DMD: variants seen among roughly 807,000 people sequenced by gnomAD.
DMD encodes the protein mutant dystrophin.
A neutral mutation model predicts 330.1 loss-of-function variants in DMD; 63 were observed. The observed-to-expected ratio is 0.19, with a 90% CI of 0.16 to 0.24. The LOEUF (loss-of-function observed/expected upper bound fraction) is 0.24, where lower values mean the gene tolerates loss of function less well. Among genes scored for constraint, DMD ranks in the 10% least tolerant of loss-of-function variants. The pLI, the probability that DMD is intolerant of heterozygous loss-of-function variation, is 1.00. For synonymous variants in DMD, 1,223 were observed against 959.8 expected, an observed-to-expected ratio of 1.27 and a Z score of -5.07; for missense variants, 3,344 against 2,684.1, an observed-to-expected ratio of 1.25 and a Z score of -5.43.
intron 33 of DMD, among the ~76,000 whole-genome samples, chrX:32,383,556 T>C (rs1327650864): frequency 9.0e-6 from 1 of 111,236 alleles, no homozygotes; most frequent in African/African-American, 3.2e-5. Context: ...TATTTATACA[T>C]GATCCCTTAG....
At chrX:33,314,472 G>A (rs2053897677) in intron 1 of DMD, among the ~76,000 whole-genome samples, 1 of 107,932 alleles carries the variant, frequency 9.3e-6, no homozygotes, top group Non-Finnish European at 1.9e-5. Context: ...TGGCCAGGCA[G>A]GTCTCAAACT....
chrX:31,890,899 TA>T (rs756476521), intron 47 of DMD, among the ~76,000 whole-genome samples: 6 of 111,697 alleles, frequency 5.4e-5, no homozygotes, highest in South Asian at 3.7e-4. Flanking sequence ...CATATAAATA[TA>T]AAAAAAATTT....
chrX:31,842,485 TCA>T (rs979651502), intron 48 of DMD, among the ~76,000 whole-genome samples: 26 of 111,826 alleles, frequency 2.3e-4, no homozygotes, highest in Non-Finnish European at 4.5e-4. Context: ...TCAAATAACA[TCA>T]CACACTACAT....
chrX:32,995,839 A>G (rs1238009509), intron 2 of DMD, among the ~76,000 whole-genome samples: 1 of 111,869 alleles, frequency 8.9e-6, no homozygotes. Context: ...AATCAACACA[A>G]TTTTGAGTGT....
chrX:32,654,409 A>T (rs983672509), intron 9 of DMD, among the ~76,000 whole-genome samples: 2 of 111,832 alleles, frequency 1.8e-5, no homozygotes, highest in Non-Finnish European at 3.8e-5. Flanking sequence ...GGAGATAATC[A>T]TGTGGTTTCT....
At chrX:31,835,201 T>G (rs2149488845) in intron 49 of DMD, among the ~76,000 whole-genome samples, 1 of 112,288 alleles carries the variant, frequency 8.9e-6, no homozygotes, top group African/African-American at 3.2e-5. Flanking sequence ...GGCACAAAAG[T>G]AAAAGCCAAA....
intron 55 of DMD, among the ~76,000 whole-genome samples, chrX:31,556,518 CA>C (rs56984431): frequency 0.087 from 5,468 of 62,771 alleles, 255 homozygotes; most frequent in African/African-American, 0.2. Flanking sequence ...GTGAAAAAAG[CA>C]AAAAAAAAAA....
At chrX:32,485,296 A>G (rs906043665) in intron 20 of DMD, among the ~76,000 whole-genome samples, 197 bp from the exon 21 acceptor site, 1 of 111,565 alleles carries the variant, frequency 9.0e-6, no homozygotes, top group Non-Finnish European at 1.9e-5. Flanking sequence ...TCTTTGTTCA[A>G]TATGTATCAT....
chrX:32,186,154 A>T (rs2096945701), intron 44 of DMD, among the ~76,000 whole-genome samples: 1 of 110,931 alleles, frequency 9.0e-6, no homozygotes, highest in African/African-American at 3.3e-5. Flanking sequence ...GTGAAATCTG[A>T]CACATCACAC....
chrX:33,295,611 G>A (rs1029788635), intron 1 of DMD, among the ~76,000 whole-genome samples: 2 of 111,568 alleles, frequency 1.8e-5, no homozygotes, highest in Non-Finnish European at 3.8e-5. Flanking sequence ...AGCAACTCAA[G>A]TTATATTTTT....
At chrX:31,298,404 C>CACACATACAT (rs1556458593) in intron 62 of DMD, among the ~76,000 whole-genome samples, 2 of 100,479 alleles carry the variant, frequency 2.0e-5, no homozygotes, top group Non-Finnish European at 4.1e-5. Flanking sequence ...CACACACACA[C>CACACATACAT]ACACATACAC....
chrX:31,131,212 A>C (rs1007532188), intron 77 of DMD, among the ~76,000 whole-genome samples: 2 of 112,510 alleles, frequency 1.8e-5, no homozygotes, highest in African/African-American at 6.4e-5. Flanking sequence ...TAATTCAACC[A>C]GGCAAGAAAA....
chrX:32,176,186 C>G (rs139861116), intron 44 of DMD, among the ~76,000 whole-genome samples: 8 of 112,000 alleles, frequency 7.1e-5, no homozygotes, highest in African/African-American at 2.3e-4. Flanking sequence ...AAGACTTTTT[C>G]AAGATTTTTC....
intron 47 of DMD, among the ~76,000 whole-genome samples, chrX:31,913,728 A>T: frequency 1.0e-5 from 1 of 98,726 alleles, no homozygotes; most frequent in East Asian, 3.1e-4. Context: ...GAAAAAAAAC[A>T]AAAACAAAAA....
At chrX:32,242,936 A>C (rs1225774737) in intron 43 of DMD, among the ~76,000 whole-genome samples, 2 of 99,398 alleles carry the variant, frequency 2.0e-5, no homozygotes, top group African/African-American at 3.7e-5. Context: ...AGGAACGCAA[A>C]GGAAAAGGAA....
intron 48 of DMD, among the ~76,000 whole-genome samples, chrX:31,837,192 A>G (rs7880185): frequency 8.9e-6 from 1 of 111,757 alleles, no homozygotes; most frequent in African/African-American, 3.3e-5. Flanking sequence ...TTATACACTT[A>G]TTGTTTTACA....
chrX:31,218,204 G>T (rs1602856720), intron 64 of DMD, among the ~76,000 whole-genome samples: 1 of 103,437 alleles, frequency 9.7e-6, no homozygotes, highest in African/African-American at 3.4e-5. Context: ...TTTTCCATCT[G>T]GTCTATTTCT....
At chrX:31,253,926 C>T (rs2049659230) in intron 63 of DMD, among the ~76,000 whole-genome samples, 1 of 111,979 alleles carries the variant, frequency 8.9e-6, no homozygotes, top group African/African-American at 3.2e-5. Flanking sequence ...TGAGAGCTTT[C>T]GCATCATTCA....
At chrX:33,146,579 C>T (rs2048042963) in intron 1 of DMD, among the ~76,000 whole-genome samples, 1 of 110,965 alleles carries the variant, frequency 9.0e-6, no homozygotes, top group African/African-American at 3.3e-5. Flanking sequence ...CAGAACTACA[C>T]AGTTAAAAAA....
Sources: gnomAD v4.1 joint callset for allele counts (sites outside exome capture counted in the v4.1 genomes callset) on GRCh38, gnomAD v4.1.1 for gene constraint, MANE v1.5 for transcripts, NCBI Gene and HGNC (gene_info 2026-07-23, HGNC 2026-07-21) for gene names.